Variants in ARHGAP15 observed in about 807,000 individuals in gnomAD.
The protein encoded by ARHGAP15 is rho GTPase-activating protein 15.
In ARHGAP15, 51 loss-of-function variants were observed where a neutral mutation model predicts 63.7. The ratio of observed to expected loss-of-function variants is 0.80; its 90% CI spans 0.64 to 1.01. The LOEUF is 1.01. ARHGAP15 is among the 50% of genes least tolerant of loss of function. The pLI, the probability that ARHGAP15 is intolerant of heterozygous loss-of-function variation, is 0.00. For missense variants in ARHGAP15, 560 were observed against 564.6 expected (o/e 0.99, Z 0.08); for synonymous variants, 191 against 193.8 (o/e 0.99, Z 0.12).
chr2:143,144,329 A>C (rs753844939), intron 1 of ARHGAP15, among the ~76,000 whole-genome samples: 23 of 151,988 alleles, frequency 1.5e-4, no homozygotes, highest in Non-Finnish European at 3.1e-4. Context: ...AGAAATCTCC[A>C]TACTGTCTTT....
intron 6 of ARHGAP15, among the ~76,000 whole-genome samples, chr2:143,410,882 C>T (rs1688412653): frequency 6.7e-6 from 1 of 149,016 alleles, no homozygotes; most frequent in Non-Finnish European, 1.5e-5. Context: ...ATCATGATAG[C>T]TTCAATCAGA....
chr2:143,690,830 T>C (rs1273139701), intron 12 of ARHGAP15, among the ~76,000 whole-genome samples: 2 of 152,116 alleles, frequency 1.3e-5, no homozygotes, highest in East Asian at 3.9e-4. Context: ...GGCAGACAGC[T>C]AAAAACCATA....
chr2:143,319,056 T>G (rs1269238340), intron 6 of ARHGAP15, among the ~76,000 whole-genome samples: 1 of 152,132 alleles, frequency 6.6e-6, no homozygotes, highest in Non-Finnish European at 1.5e-5. Context: ...TACCTACTTT[T>G]CCCCTTAATA....
chr2:143,264,190 T>C (rs1229732367), intron 6 of ARHGAP15, among the ~76,000 whole-genome samples: 1 of 151,992 alleles, frequency 6.6e-6, no homozygotes, highest in Non-Finnish European at 1.5e-5. Flanking sequence ...TGTTGTCCAC[T>C]CTATGATTCA....
intron 12 of ARHGAP15, among the ~76,000 whole-genome samples, chr2:143,701,041 A>G (rs1684067043): frequency 6.6e-6 from 1 of 151,916 alleles, no homozygotes; most frequent in Non-Finnish European, 1.5e-5. Context: ...CAGTTGTCCA[A>G]GCCATATTAT....
At chr2:143,419,906 A>G (rs1446209229) in intron 6 of ARHGAP15, among the ~76,000 whole-genome samples, 2 of 152,178 alleles carry the variant, frequency 1.3e-5, no homozygotes, top group Non-Finnish European at 2.9e-5. Flanking sequence ...GAAAATGTAT[A>G]GAAAAATATC....
At chr2:143,641,806 C>T (rs1680612866) in intron 12 of ARHGAP15, among the ~76,000 whole-genome samples, 1 of 152,040 alleles carries the variant, frequency 6.6e-6, no homozygotes, top group South Asian at 2.1e-4. Flanking sequence ...CTATATTTAG[C>T]AAAAGCCTTT....
chr2:143,387,132 A>C (rs914647685), intron 6 of ARHGAP15, among the ~76,000 whole-genome samples: 1 of 152,146 alleles, frequency 6.6e-6, no homozygotes, highest in Non-Finnish European at 1.5e-5. Context: ...AAACTTGCAC[A>C]TGCACCCCTG....
chr2:143,767,860 G>A, intron 13 of ARHGAP15, 129 bp from the exon 14 acceptor site: 2 of 888,302 alleles, frequency 2.3e-6, no homozygotes, highest in South Asian at 3.4e-5. Context: ...AGTATGTAGG[G>A]TAGAAGATTA....
At chr2:143,584,160 C>T (rs1697015479) in intron 11 of ARHGAP15, among the ~76,000 whole-genome samples, 1 of 152,090 alleles carries the variant, frequency 6.6e-6, no homozygotes, top group Non-Finnish European at 1.5e-5. Context: ...GCTGTCCCAA[C>T]AGGGTAGATG....
At chr2:143,316,180 C>A (rs1683697689) in intron 6 of ARHGAP15, among the ~76,000 whole-genome samples, 1 of 152,090 alleles carries the variant, frequency 6.6e-6, no homozygotes, top group Admixed American at 6.6e-5. Context: ...TTAAGAAAAT[C>A]AGACTTTCCT....
rs1000992761 is a variant in ARHGAP15 at position 143,310,599 on chromosome 2, C to T, written c.474+59999C>T. Among the ~76,000 whole-genome samples the T allele has an allele frequency of 4.6e-5, 7 of 151,770 alleles. No homozygotes were observed. The East Asian group carries it at 1.4e-3, about 29-fold the overall frequency. ...GAGAGGAGCAATGAATTTATTTTTG[C>T]AAAAGCTATGCATCTGAGTATATTG... is the stretch of plus-strand genomic sequence containing the variant. On this transcript the variant is annotated intron_variant, in intron 6 of 13. Coordinates refer to ENST00000295095, the MANE Select transcript of ARHGAP15 (RefSeq NM_018460.4).
At chr2:143,582,358 A>G (rs1181891085) in intron 11 of ARHGAP15, among the ~76,000 whole-genome samples, 1 of 152,192 alleles carries the variant, frequency 6.6e-6, no homozygotes, top group African/African-American at 2.4e-5. Context: ...TTCATCAAAA[A>G]TCGAGGGCAC....
At chr2:143,160,862 G>A (rs1196761097) in intron 2 of ARHGAP15, among the ~76,000 whole-genome samples, 1 of 151,892 alleles carries the variant, frequency 6.6e-6, no homozygotes, top group African/African-American at 2.4e-5. Flanking sequence ...AGTTTATGAC[G>A]ACAGTGAAGA....
intron 2 of ARHGAP15, among the ~76,000 whole-genome samples, chr2:143,187,802 C>T (rs1187749939): frequency 6.6e-6 from 1 of 152,198 alleles, no homozygotes; most frequent in African/African-American, 2.4e-5. Flanking sequence ...TGAGAGCTCT[C>T]ATTTATCCAA....
intron 6 of ARHGAP15, among the ~76,000 whole-genome samples, chr2:143,346,250 TCACACA>T (rs138964635): frequency 9.8e-4 from 136 of 138,744 alleles, no homozygotes; most frequent in Middle Eastern, 3.8e-3. Context: ...ACACACACAC[TCACACA>T]CACACACACA....
chr2:143,241,187 T>C (rs1475254813), intron 5 of ARHGAP15, among the ~76,000 whole-genome samples: 2 of 152,222 alleles, frequency 1.3e-5, no homozygotes, highest in Admixed American at 6.5e-5. Flanking sequence ...TAAATTGAAA[T>C]GCTCTGAGAA....
intron 3 of ARHGAP15, among the ~76,000 whole-genome samples, chr2:143,216,022 G>A (rs533296333): frequency 6.6e-6 from 1 of 152,168 alleles, no homozygotes; most frequent in Admixed American, 6.5e-5. Context: ...GGCTTGAAAA[G>A]AAGAACTTTT....
At chr2:143,538,505 T>C (rs1284346925) in intron 10 of ARHGAP15, among the ~76,000 whole-genome samples, 1 of 152,196 alleles carries the variant, frequency 6.6e-6, no homozygotes, top group East Asian at 1.9e-4. Flanking sequence ...AGTATGATAT[T>C]GGCTGTGGGT....
Sources: allele counts gnomAD v4.1 joint callset (sites outside exome capture counted in the v4.1 genomes callset), GRCh38; gene constraint gnomAD v4.1.1; transcripts MANE v1.5; gene names NCBI Gene and HGNC (gene_info 2026-07-23, HGNC 2026-07-21).